Variants in BMAL1 observed in about 807,000 individuals in gnomAD.
BMAL1 encodes the protein basic helix-loop-helix ARNT like 1.
chr11:13,357,684 C>T, the BMAL1 span, among the ~76,000 whole-genome samples: 1 of 152,342 alleles, frequency 6.6e-6, no homozygotes, highest in East Asian at 1.9e-4. This position sits in a 1 kb window ranked among gnomAD's most constrained non-coding sequence, Gnocchi z 4.8. Context: ...TGCCCTAAGG[C>T]TTCAAGCTCT....
the BMAL1 span, among the ~76,000 whole-genome samples, chr11:13,288,420 T>TCTTTCTTCTTTCTTTCTTTC: frequency 2.3e-5 from 1 of 43,564 alleles, no homozygotes; most frequent in African/African-American, 7.0e-5. Context: ...CTTTCTTTTT[T>TCTTTCTTCTTTCTTTCTTTC]TTTCTTTTTT....
the BMAL1 span, among the ~76,000 whole-genome samples, chr11:13,322,703 G>A: frequency 1.3e-5 from 2 of 150,950 alleles, no homozygotes; most frequent in Admixed American, 1.3e-4. Flanking sequence ...TGCAGTAGAT[G>A]CTGTGGGAGA....
chr11:13,323,449 CA>C, the BMAL1 span, among the ~76,000 whole-genome samples: 1 of 152,030 alleles, frequency 6.6e-6, no homozygotes, highest in African/African-American at 2.4e-5. Context: ...CAAAAACAAA[CA>C]AAAAACTAGC....
the BMAL1 span, chr11:13,354,741 GTCT>G: frequency 5.9e-6 from 2 of 337,644 alleles, no homozygotes; most frequent in African/African-American, 2.1e-5. Context: ...CCCTTTCTTC[GTCT>G]TCTTTCTTTG....
the BMAL1 span, chr11:13,369,642 T>A: frequency 6.2e-7 from 1 of 1,613,956 alleles, no homozygotes; most frequent in Non-Finnish European, 8.5e-7. Context: ...AAAACAGATA[T>A]AACCCCTGGG....
the BMAL1 span, chr11:13,376,429 T>C: frequency 8.5e-6 from 5 of 590,732 alleles, no homozygotes; most frequent in African/African-American, 1.9e-5. Context: ...CCCACACATA[T>C]TAGGAAGGCC....
the BMAL1 span, among the ~76,000 whole-genome samples, chr11:13,371,160 C>T: frequency 5.3e-5 from 8 of 152,182 alleles, no homozygotes; most frequent in Admixed American, 5.2e-4. Context: ...GTAACCAGCA[C>T]AGACTCCACG....
At chr11:13,372,422 A>AT in the BMAL1 span, 5 of 1,613,154 alleles carry the variant, frequency 3.1e-6, no homozygotes, top group Non-Finnish European at 4.2e-6. Flanking sequence ...AAGAGTCTAC[A>AT]TACTACCCTT....
At chr11:13,360,319 C>T in the BMAL1 span, 7 of 1,590,110 alleles carry the variant, frequency 4.4e-6, no homozygotes, top group South Asian at 2.2e-5. Context: ...TCAAGTATAC[C>T]AATTCTTTCT....
chr11:13,325,695 G>GTGTGTGTGT, the BMAL1 span, among the ~76,000 whole-genome samples: 2 of 151,226 alleles, frequency 1.3e-5, no homozygotes, highest in South Asian at 2.1e-4. Flanking sequence ...GTGTGTGTGT[G>GTGTGTGTGT]GGCTTGAATG....
the BMAL1 span, among the ~76,000 whole-genome samples, chr11:13,311,510 G>C: frequency 6.6e-6 from 1 of 152,208 alleles, no homozygotes; most frequent in African/African-American, 2.4e-5. Flanking sequence ...GAGGAAGCCA[G>C]GTTACATGGA....
At chr11:13,313,170 G>T in the BMAL1 span, among the ~76,000 whole-genome samples, 2 of 152,182 alleles carry the variant, frequency 1.3e-5, no homozygotes, top group Non-Finnish European at 2.9e-5. Flanking sequence ...CTCAGGCCTC[G>T]CTTTCTTCAG....
the BMAL1 span, among the ~76,000 whole-genome samples, chr11:13,287,073 C>T: frequency 6.6e-6 from 1 of 152,178 alleles, no homozygotes; most frequent in Non-Finnish European, 1.5e-5. Context: ...AGTACCTGAT[C>T]CTTTAACCAA....
the BMAL1 span, among the ~76,000 whole-genome samples, chr11:13,296,360 G>T: frequency 6.6e-6 from 1 of 152,176 alleles, no homozygotes; most frequent in Non-Finnish European, 1.5e-5. Flanking sequence ...TCCTGAAGGG[G>T]TCTGGGGAAT....
At chr11:13,357,051 C>A in the BMAL1 span, 1 of 1,614,190 alleles carries the variant, frequency 6.2e-7, no homozygotes, top group Non-Finnish European at 8.5e-7. This position sits in a 1 kb window ranked among gnomAD's most constrained non-coding sequence, Gnocchi z 4.8. Flanking sequence ...TTTCCTCCCC[C>A]CAGGTTAGAA....
the BMAL1 span, among the ~76,000 whole-genome samples, chr11:13,292,532 G>A: frequency 2.0e-5 from 3 of 146,452 alleles, no homozygotes; most frequent in Admixed American, 6.9e-5. Flanking sequence ...GGGCGACAGA[G>A]CGAGACTCCA....
chr11:13,280,374 G>C, the BMAL1 span, among the ~76,000 whole-genome samples: 94,857 of 152,184 alleles, frequency 0.62, 30,430 homozygotes, highest in Non-Finnish European at 0.71. Flanking sequence ...AAAAGATGGA[G>C]AAGCACCATA....
chr11:13,363,894 AG>A, the BMAL1 span, among the ~76,000 whole-genome samples: 1 of 152,232 alleles, frequency 6.6e-6, no homozygotes, highest in East Asian at 1.9e-4. Flanking sequence ...TCTGCTGGCC[AG>A]GGTGCTATGG....
the BMAL1 span, among the ~76,000 whole-genome samples, chr11:13,324,747 T>C: frequency 0.61 from 93,281 of 152,110 alleles, 28,862 homozygotes; most frequent in African/African-American, 0.67. Flanking sequence ...ACACAGTGGG[T>C]GATCCTGAAA....
Sources: allele counts gnomAD v4.1 joint callset (sites outside exome capture counted in the v4.1 genomes callset), GRCh38; gene constraint gnomAD v4.1.1; non-coding constraint Gnocchi (gnomAD v3.1); transcripts MANE v1.5; gene names NCBI Gene and HGNC (gene_info 2026-07-23, HGNC 2026-07-21).